SEC24B: variants seen among roughly 807,000 people sequenced by gnomAD.
SEC24B encodes SEC24 homolog B, COPII component.
A neutral mutation model predicts 142.8 loss-of-function variants in SEC24B; 45 were observed. The ratio of observed to expected loss-of-function variants is 0.32; its 90% CI spans 0.25 to 0.40. SEC24B has a LOEUF of 0.40. SEC24B is among the 10% of genes least tolerant of loss of function. SEC24B has a pLI of 1.00. For synonymous variants in SEC24B, 574 were observed against 568.2 expected (o/e 1.01, Z -0.15); for missense variants, 1,409 against 1,526.8 (o/e 0.92, Z 1.29).
chr4:109,439,474 A>ATTTTTTT (rs70949077), intron 1 of SEC24B, among the ~76,000 whole-genome samples: 6 of 43,994 alleles, frequency 1.4e-4, no homozygotes, highest in Non-Finnish European at 2.4e-4. Flanking sequence ...TCCTAAGCTG[A>ATTTTTTT]TTTTTTTTTT....
intron 1 of SEC24B, among the ~76,000 whole-genome samples, chr4:109,434,884 A>AATC (rs1318640175): frequency 6.6e-6 from 1 of 152,204 alleles, no homozygotes; most frequent in Non-Finnish European, 1.5e-5. Flanking sequence ...AGGCTGCAAA[A>AATC]TGATGGATAT....
chr4:109,525,077 C>A, intron 15 of SEC24B, 136 bp downstream of exon 15: 2 of 819,402 alleles, frequency 2.4e-6, no homozygotes, highest in Non-Finnish European at 3.6e-6. Context: ...TCTATGAAAA[C>A]TACCAGTAAA....
At chr4:109,469,600 T>C (rs1295472660) in intron 2 of SEC24B, among the ~76,000 whole-genome samples, 1 of 152,210 alleles carries the variant, frequency 6.6e-6, no homozygotes, top group Non-Finnish European at 1.5e-5. Context: ...AAGAAAGTAA[T>C]ACTTCAGCTG....
At chr4:109,539,267 TAA>T in intron 23 of SEC24B, among the ~76,000 whole-genome samples, 1 of 150,774 alleles carries the variant, frequency 6.6e-6, no homozygotes, top group Non-Finnish European at 1.5e-5. Flanking sequence ...CGGCCAATTT[TAA>T]AAATTTTTTT....
At chr4:109,489,663 G>C (rs1476309868) in intron 4 of SEC24B, among the ~76,000 whole-genome samples, 1 of 146,780 alleles carries the variant, frequency 6.8e-6, no homozygotes, top group Non-Finnish European at 1.5e-5. Context: ...GTATATATAT[G>C]ATATATACAT....
intron 1 of SEC24B, among the ~76,000 whole-genome samples, chr4:109,450,326 A>G (rs1729930260): frequency 6.6e-6 from 1 of 152,100 alleles, no homozygotes; most frequent in African/African-American, 2.4e-5. Flanking sequence ...ATTCTTTGGG[A>G]GATACTTTGA....
intron 14 of SEC24B, among the ~76,000 whole-genome samples, chr4:109,522,088 G>T (rs1723690397): frequency 6.8e-6 from 1 of 146,694 alleles, no homozygotes; most frequent in Non-Finnish European, 1.5e-5. Flanking sequence ...GTCTTGCTCT[G>T]TCGCCCAGGC....
intron 2 of SEC24B, 89 bp from the exon 3 acceptor site, chr4:109,472,915 T>C (rs914532591): frequency 2.9e-6 from 1 of 350,342 alleles, no homozygotes; most frequent in East Asian, 6.4e-5. Flanking sequence ...TTATATATTA[T>C]ATACATTATA....
At chr4:109,534,672 A>G (rs568503537) in intron 22 of SEC24B, among the ~76,000 whole-genome samples, 1 of 152,334 alleles carries the variant, frequency 6.6e-6, no homozygotes, top group Admixed American at 6.5e-5. Flanking sequence ...CGCAAATATA[A>G]AACATTTCTA....
intron 14 of SEC24B, 86 bp from the exon 15 acceptor site, chr4:109,524,732 C>A: frequency 1.6e-6 from 2 of 1,253,788 alleles, no homozygotes; most frequent in Non-Finnish European, 1.1e-6. Context: ...GGTAGGGAGG[C>A]AGAGGATATC....
Position 109,462,888 on chromosome 4 carries a change from C to G in SEC24B, c.134-13C>G. The G allele has an allele frequency of 2.5e-6, 1 of 407,080 alleles. No individual in the cohort carries two copies. Among genetic ancestry groups the G allele is most frequent in the Non-Finnish European group, 4.1e-6 (1 of 243,758 alleles). The allele number at this position is 407,080 out of a possible 1,614,324, so 25.2% of individuals were successfully genotyped here. On this transcript the variant is annotated splice_polypyrimidine_tract_variant and intron_variant, in intron 1 of 23. Transcript: ENST00000265175. ...ATCTCTTTACAAATACCTGTAAATACTTGCTTTTTCAGGTCCAGCCCAGAA... is the reference window on the plus strand; with the variant it reads ...ATCTCTTTACAAATACCTGTAAATAGTTGCTTTTTCAGGTCCAGCCCAGAA...
chr4:109,482,212 C>T (rs1733810889), intron 4 of SEC24B, among the ~76,000 whole-genome samples: 1 of 152,170 alleles, frequency 6.6e-6, no homozygotes, highest in African/African-American at 2.4e-5. Context: ...AGAAATAGGA[C>T]AGTGTTTCAG....
chr4:109,449,042 T>C (rs1453453709), intron 1 of SEC24B, among the ~76,000 whole-genome samples: 1 of 152,180 alleles, frequency 6.6e-6, no homozygotes, highest in African/African-American at 2.4e-5. Context: ...GATTAGATTG[T>C]GTGTATGAAT....
intron 7 of SEC24B, 72 bp downstream of exon 7, chr4:109,506,584 G>C (rs41277039): frequency 0.024 from 25,258 of 1,061,460 alleles, 431 homozygotes; most frequent in Non-Finnish European, 0.026. Context: ...AATAGTAAAA[G>C]TAGTATGTTA....
intron 3 of SEC24B, among the ~76,000 whole-genome samples, chr4:109,476,989 T>C (rs1430178584): frequency 6.6e-6 from 1 of 151,172 alleles, no homozygotes; most frequent in African/African-American, 2.4e-5. Context: ...TACAAAAAAT[T>C]AGCCGGGCGT....
At chr4:109,438,125 T>C (rs1201491191) in intron 1 of SEC24B, among the ~76,000 whole-genome samples, 4 of 152,210 alleles carry the variant, frequency 2.6e-5, no homozygotes. Context: ...AGGTACATTT[T>C]CTACCAATTC....
In SEC24B at chr4:109,511,220, ATCT is replaced by A. The variant is rs562871657; in HGVS notation, c.1777-733_1777-731del. Among the ~76,000 whole-genome samples, 15 of 152,056 alleles carry A rather than the reference ATCT, an allele frequency of 9.9e-5. 1 individual carries two copies. The East Asian group carries it at 2.5e-3, about 25-fold the overall frequency. ...TGTATACTAAATTGTTTACAGTGACATCTTCTGTGATATAGAGTTCTGTAATTT... is the reference window on the plus strand; with the variant it reads ...TGTATACTAAATTGTTTACAGTGACATCTGTGATATAGAGTTCTGTAATTT... On this transcript the variant is annotated intron_variant, in intron 8 of 23. Coordinates refer to ENST00000265175, the MANE Select transcript of SEC24B (RefSeq NM_006323.5).
At chr4:109,459,702 C>T (rs762944760) in intron 1 of SEC24B, among the ~76,000 whole-genome samples, 16 of 152,154 alleles carry the variant, frequency 1.1e-4, no homozygotes, top group Non-Finnish European at 2.2e-4. Flanking sequence ...GCAGCTAGGA[C>T]ATTCCTGTTA....
intron 2 of SEC24B, among the ~76,000 whole-genome samples, chr4:109,463,966 G>A (rs1282985546): frequency 6.6e-6 from 1 of 152,182 alleles, no homozygotes; most frequent in Non-Finnish European, 1.5e-5. Context: ...TTGAGGATAT[G>A]TTGGCCACTA....
Sources: allele counts gnomAD v4.1 joint callset (sites outside exome capture counted in the v4.1 genomes callset), GRCh38; gene constraint gnomAD v4.1.1; transcripts MANE v1.5; gene names NCBI Gene and HGNC (gene_info 2026-07-23, HGNC 2026-07-21).